SHISAL2B: variants seen among roughly 807,000 people sequenced by gnomAD.
SHISAL2B encodes the protein shisa like 2B.
SHISAL2B carries 12 observed loss-of-function variants against 16.5 expected under a neutral mutation model. The ratio of observed to expected loss-of-function variants is 0.73; its 90% CI spans 0.47 to 1.18. The LOEUF is 1.18. Among genes scored for constraint, SHISAL2B ranks in the 50% most tolerant of loss-of-function variants. The pLI, the probability that SHISAL2B is intolerant of heterozygous loss-of-function variation, is 0.00. For missense variants in SHISAL2B, 183 were observed against 193.6 expected, an observed-to-expected ratio of 0.95 and a Z score of 0.33; for synonymous variants, 72 against 75.0, an observed-to-expected ratio of 0.96 and a Z score of 0.21.
intron 2 of SHISAL2B, among the ~76,000 whole-genome samples, chr5:64,714,879 A>G (rs1001287130): frequency 2.6e-5 from 4 of 152,156 alleles, no homozygotes; most frequent in African/African-American, 9.7e-5. Context: ...AGGTGAGGCA[A>G]TGCCTCGCCC....
chr5:64,717,989 A>T lies in SHISAL2B; in HGVS notation c.450A>T (p.Thr150=). 6.6e-7 allele frequency: 1 copy of T among 1,522,224 alleles called. No homozygotes were observed. Among genetic ancestry groups the T allele is most frequent in the Non-Finnish European group, 8.7e-7 (1 of 1,143,858 alleles). The allele number at this position is 1,522,224 out of a possible 1,614,324, so 94.3% of individuals were successfully genotyped here. ...CTGATGATATAATTCAAGAAAAAAC[A>T]ATGGATGCAACACAAATCCACATTG... ...YEADDIIQEK[T]MDATQIHIAY is the part of the protein sequence containing the mutation. The change falls in exon 3 of 3, where the codon ACA becomes ACT. Residue 150 remains threonine (T), a synonymous_variant. Coordinates refer to ENST00000389074, the MANE Select transcript of SHISAL2B (RefSeq NM_001164442.2).
intron 2 of SHISAL2B, among the ~76,000 whole-genome samples, chr5:64,714,534 C>T (rs1269756563): frequency 6.6e-6 from 1 of 151,882 alleles, no homozygotes; most frequent in African/African-American, 2.4e-5. Context: ...CCTACAGAGG[C>T]AGGCAGGCCT....
intron 2 of SHISAL2B, among the ~76,000 whole-genome samples, chr5:64,703,035 T>G (rs1268027085): frequency 2.0e-5 from 3 of 152,224 alleles, no homozygotes; most frequent in Non-Finnish European, 4.4e-5. Context: ...GTCATGCTTC[T>G]TTTTCAAAGT....
intron 2 of SHISAL2B, among the ~76,000 whole-genome samples, chr5:64,716,042 T>C (rs1742044997): frequency 6.6e-6 from 1 of 152,224 alleles, no homozygotes; most frequent in Non-Finnish European, 1.5e-5. Context: ...GCTACACCGT[T>C]GACCAAGAAA....
intron 1 of SHISAL2B, among the ~76,000 whole-genome samples, chr5:64,691,970 A>G (rs1168252158): frequency 6.6e-6 from 1 of 152,212 alleles, no homozygotes; most frequent in African/African-American, 2.4e-5. Flanking sequence ...TGAAGCAATA[A>G]AATATTAACA....
intron 2 of SHISAL2B, among the ~76,000 whole-genome samples, chr5:64,714,184 G>A (rs1742001238): frequency 7.2e-6 from 1 of 138,624 alleles, no homozygotes; most frequent in South Asian, 2.3e-4. Flanking sequence ...TCTACTTTTG[G>A]TCTTTGATGA....
intron 2 of SHISAL2B, among the ~76,000 whole-genome samples, chr5:64,696,828 T>C (rs1420442812): frequency 6.6e-6 from 1 of 152,248 alleles, no homozygotes; most frequent in Non-Finnish European, 1.5e-5. Context: ...GTTTTTGATT[T>C]CGCCCTTTGC....
rs1239067952 is a variant in SHISAL2B at position 64,695,487 on chromosome 5, T to A, written c.192-20T>A. ...GTGAACCACTTTGTGTGACACATAT[T>A]TTTTTTCTGTTTTCCTCAGCATTGG... On this transcript the variant is annotated intron_variant, in intron 1 of 2. Coordinates refer to ENST00000389074, the MANE Select transcript of SHISAL2B (RefSeq NM_001164442.2). 2 of 1,515,498 alleles carry A rather than the reference T, an allele frequency of 1.3e-6. No individual in the cohort carries two copies. Among genetic ancestry groups the A allele is most frequent in the Admixed American group, 4.2e-5 (2 of 47,780 alleles). 93.9% of individuals were successfully genotyped at this position (1,515,498 alleles called of 1,614,324 possible). A position where few individuals can be genotyped will look rare whatever the true frequency, so the allele number is the denominator to read the frequency against.
intron 2 of SHISAL2B, among the ~76,000 whole-genome samples, chr5:64,716,312 T>G (rs1435849402): frequency 2.0e-5 from 3 of 151,980 alleles, no homozygotes; most frequent in African/African-American, 7.2e-5. Context: ...CTACTCAGTT[T>G]TAAAGTTTTC....
At chr5:64,714,000 T>A (rs1356847381) in intron 2 of SHISAL2B, among the ~76,000 whole-genome samples, 1 of 123,562 alleles carries the variant, frequency 8.1e-6, no homozygotes, top group Non-Finnish European at 1.6e-5. Flanking sequence ...CTCCCATAGC[T>A]CAGAGTAATT....
intron 2 of SHISAL2B, among the ~76,000 whole-genome samples, chr5:64,707,436 T>G (rs1371018918): frequency 6.6e-6 from 1 of 152,172 alleles, no homozygotes; most frequent in Non-Finnish European, 1.5e-5. Context: ...GGACATGGTA[T>G]GAGGCCAGTT....
At chr5:64,704,104 C>T (rs1447405770) in intron 2 of SHISAL2B, among the ~76,000 whole-genome samples, 2 of 152,110 alleles carry the variant, frequency 1.3e-5, no homozygotes, top group African/African-American at 2.4e-5. Context: ...TAGGTTAGTA[C>T]GTGGAAGCTG....
chr5:64,701,163 A>G (rs992043842), intron 2 of SHISAL2B, among the ~76,000 whole-genome samples: 1 of 152,196 alleles, frequency 6.6e-6, no homozygotes, highest in Non-Finnish European at 1.5e-5. Flanking sequence ...CAAGAAAAAA[A>G]GTCTGTACAT....
chr5:64,692,279 T>G (rs1741662196), intron 1 of SHISAL2B, among the ~76,000 whole-genome samples: 1 of 152,176 alleles, frequency 6.6e-6, no homozygotes, highest in Non-Finnish European at 1.5e-5. Context: ...GTGCCTGAGA[T>G]TCTCAGATCC....
At position 64,690,636 on chromosome 5, in the gene SHISAL2B, A is replaced by C. The variant is rs16893053; in HGVS notation, c.13A>C (p.Ser5Arg). 5.7e-3 allele frequency: 8,621 copies of C among 1,501,224 alleles called. 454 individuals are homozygous for C. In the African/African-American group the frequency reaches 0.11, roughly 19 times the overall value. 93.0% of individuals were successfully genotyped at this position (1,501,224 alleles called of 1,614,324 possible). ...GCCCCTGCCCGCGATGAGCGAGGCC[A>C]GCCGACTGTGCTCCGGCTACTACAG... MSEA[S>R]RLCSGYYSLN... Residue 5 changes from serine (S) to arginine (R), a missense_variant, in exon 1 of 3, where the codon AGC becomes CGC. By Grantham distance (110) the Ser-to-Arg change is moderately radical. Coordinates refer to ENST00000389074, the MANE Select transcript of SHISAL2B (RefSeq NM_001164442.2).
intron 2 of SHISAL2B, among the ~76,000 whole-genome samples, chr5:64,698,504 C>G (rs749760759): frequency 2.6e-5 from 4 of 152,188 alleles, no homozygotes; most frequent in South Asian, 2.1e-4. Context: ...CCACTATTGT[C>G]TAGGATGCTT....
chr5:64,695,478 GAC>G lies in SHISAL2B; in HGVS notation c.192-25_192-24del, dbSNP rs746669494. 2.3e-5 allele frequency: 34 copies of G among 1,502,320 alleles called. No individual in the cohort carries two copies. The East Asian group carries it at 7.9e-4, about 35-fold the overall frequency. The allele number at this position is 1,502,320 out of a possible 1,614,324, so 93.1% of individuals were successfully genotyped here. A position where few individuals can be genotyped will look rare whatever the true frequency, so the allele number is the denominator to read the frequency against. On this transcript the variant is annotated intron_variant, in intron 1 of 2. Transcript: ENST00000389074. Reference sequence around the variant, plus strand: ...TGAACCAGTGTGAACCACTTTGTGTGACACATATTTTTTTTCTGTTTTCCTCA... The same window carrying G: ...TGAACCAGTGTGAACCACTTTGTGTGACATATTTTTTTTCTGTTTTCCTCA...
intron 2 of SHISAL2B, among the ~76,000 whole-genome samples, chr5:64,697,476 T>C (rs1241762997): frequency 2.0e-5 from 3 of 152,222 alleles, no homozygotes; most frequent in African/African-American, 7.2e-5. Flanking sequence ...AAACATCAAG[T>C]GTTATACAAA....
At chr5:64,700,762 A>G (rs1741798176) in intron 2 of SHISAL2B, among the ~76,000 whole-genome samples, 1 of 152,098 alleles carries the variant, frequency 6.6e-6, no homozygotes, top group Admixed American at 6.5e-5. Context: ...AACACCAGGG[A>G]CCAGTTCCAT....
Sources: allele counts gnomAD v4.1 joint callset (sites outside exome capture counted in the v4.1 genomes callset), GRCh38; gene constraint gnomAD v4.1.1; transcripts MANE v1.5; gene names NCBI Gene and HGNC (gene_info 2026-07-23, HGNC 2026-07-21).